Variants in INSC observed in about 807,000 individuals in gnomAD.
The protein encoded by INSC is INSC spindle orientation adaptor protein.
In INSC, 67 loss-of-function variants were observed where a neutral mutation model predicts 58.6. The ratio of observed to expected loss-of-function variants is 1.14; its 90% CI spans 0.94 to 1.40. The LOEUF (loss-of-function observed/expected upper bound fraction) is 1.40, where lower values mean the gene tolerates loss of function less well. INSC is among the 40% of genes most tolerant of loss of function. The pLI is 0.00. For missense variants in INSC, 714 were observed against 692.0 expected, an observed-to-expected ratio of 1.03 and a Z score of -0.36; for synonymous variants, 262 against 276.1, an observed-to-expected ratio of 0.95 and a Z score of 0.51.
At chr11:15,216,570 A>AT (rs1170734007) in intron 7 of INSC, among the ~76,000 whole-genome samples, 1 of 152,004 alleles carries the variant, frequency 6.6e-6, no homozygotes, top group East Asian at 1.9e-4. Context: ...GATAGTACTG[A>AT]TTTTCTCTTT....
At chr11:15,166,477 C>T (rs760265269) in intron 2 of INSC, among the ~76,000 whole-genome samples, 1 of 152,126 alleles carries the variant, frequency 6.6e-6, no homozygotes, top group Non-Finnish European at 1.5e-5. Context: ...TGGGAACTCA[C>T]CTATATTTTG....
intron 8 of INSC, among the ~76,000 whole-genome samples, chr11:15,222,940 T>C (rs1300844832): frequency 1.3e-5 from 2 of 152,072 alleles, no homozygotes; most frequent in Non-Finnish European, 2.9e-5. Flanking sequence ...CCTAGAGGGG[T>C]TAAGTTACTT....
intron 2 of INSC, among the ~76,000 whole-genome samples, chr11:15,174,231 T>G (rs191297224): frequency 6.6e-6 from 1 of 152,338 alleles, no homozygotes; most frequent in East Asian, 1.9e-4. Context: ...GATAGCCACA[T>G]GGCATCCTTC....
intron 2 of INSC, 48 bp downstream of exon 2, chr11:15,149,278 C>A: frequency 7.0e-7 from 1 of 1,427,616 alleles, no homozygotes; most frequent in Non-Finnish European, 9.2e-7. Context: ...CCATCTGAAC[C>A]GTGACTGAGG....
chr11:15,126,171 G>A (rs1894132), intron 1 of INSC, among the ~76,000 whole-genome samples: 5 of 151,890 alleles, frequency 3.3e-5, no homozygotes, highest in Non-Finnish European at 7.4e-5. Context: ...AGGCTGAAAC[G>A]AAAATCAGAT....
intron 9 of INSC, among the ~76,000 whole-genome samples, chr11:15,230,748 T>C (rs1851895668): frequency 6.6e-6 from 1 of 152,202 alleles, no homozygotes; most frequent in Non-Finnish European, 1.5e-5. Context: ...CAGCCCAACA[T>C]TCATGTAATC....
downstream of INSC, among the ~76,000 whole-genome samples, chr11:15,251,022 A>C (rs1241851878): frequency 6.6e-6 from 1 of 152,232 alleles, no homozygotes; most frequent in African/African-American, 2.4e-5. Flanking sequence ...TCTCTGTAAG[A>C]ACAGTGAGCT....
chr11:15,262,118 G>A, the INSC span, among the ~76,000 whole-genome samples: 113,917 of 151,994 alleles, frequency 0.75, 42,887 homozygotes, highest in Middle Eastern at 0.84. Context: ...AAATAGGCAG[G>A]TGGCAGCTTG....
chr11:15,111,971 C>T (rs1473512676), upstream of INSC, among the ~76,000 whole-genome samples: 2 of 152,148 alleles, frequency 1.3e-5, no homozygotes, highest in Non-Finnish European at 2.9e-5. Flanking sequence ...ATGAAGTTCT[C>T]GTATATGCAA....
intron 1 of INSC, among the ~76,000 whole-genome samples, chr11:15,132,476 G>C (rs956372396): frequency 8.5e-5 from 13 of 152,206 alleles, no homozygotes; most frequent in Middle Eastern, 3.4e-3. Flanking sequence ...TGTAGAGATG[G>C]AGCCTGCACT....
intron 1 of INSC, among the ~76,000 whole-genome samples, chr11:15,141,066 C>T (rs1349464067): frequency 1.3e-5 from 2 of 152,164 alleles, no homozygotes; most frequent in African/African-American, 4.8e-5. Flanking sequence ...GTGTTTCTCC[C>T]TGTCTGCCTC....
At chr11:15,226,222 G>A (rs1589993096) in intron 9 of INSC, among the ~76,000 whole-genome samples, 1 of 152,182 alleles carries the variant, frequency 6.6e-6, no homozygotes. Flanking sequence ...GACCTCCTCT[G>A]AAGGTCTGTG....
chr11:15,217,173 T>C (rs558559888), intron 7 of INSC, among the ~76,000 whole-genome samples: 3 of 152,146 alleles, frequency 2.0e-5, no homozygotes, highest in Non-Finnish European at 4.4e-5. Context: ...TTAACAATCA[T>C]GGTGGAAGGG....
At chr11:15,131,082 A>G (rs1848115252) in intron 1 of INSC, among the ~76,000 whole-genome samples, 1 of 151,762 alleles carries the variant, frequency 6.6e-6, no homozygotes, top group African/African-American at 2.4e-5. Flanking sequence ...CTCTTTTTCT[A>G]AGTTTCTTAA....
intron 7 of INSC, among the ~76,000 whole-genome samples, chr11:15,210,092 G>C (rs899925748): frequency 2.6e-5 from 4 of 152,212 alleles, no homozygotes; most frequent in African/African-American, 9.6e-5. Context: ...AAGTCAGCCT[G>C]AGATAAGTCA....
chr11:15,177,334 T>C (rs1849607813), intron 4 of INSC, among the ~76,000 whole-genome samples, 171 bp downstream of exon 4: 1 of 152,176 alleles, frequency 6.6e-6, no homozygotes, highest in Admixed American at 6.5e-5. Flanking sequence ...TGAAATTTTC[T>C]GCCCCATGTT....
the INSC span, among the ~76,000 whole-genome samples, chr11:15,267,317 T>C: frequency 6.6e-6 from 1 of 152,022 alleles, no homozygotes; most frequent in Non-Finnish European, 1.5e-5. Context: ...TATAATATGC[T>C]CTATGTATTT....
At position 15,200,153 on chromosome 11, in the gene INSC, T is replaced by TCACACA. The variant is rs57120673; in HGVS notation, c.694-638_694-633dup. ...GATGATTGTTTTTAAAAGGGTTATA[T>TCACACA]CACACACACACACACACACACACAC... On this transcript the variant is annotated intron_variant, in intron 6 of 12. Coordinates refer to ENST00000379556, the MANE Select transcript of INSC (RefSeq NM_001042536.3). Among the ~76,000 whole-genome samples, 1,039 of 146,922 alleles carry TCACACA rather than the reference T, an allele frequency of 7.1e-3. 8 individuals carry two copies. Among genetic ancestry groups the TCACACA allele is most frequent in the African/African-American group, 0.02 (797 of 39,658 alleles).
chr11:15,248,549 G>T (rs868318213), downstream of INSC, among the ~76,000 whole-genome samples: 2 of 152,168 alleles, frequency 1.3e-5, no homozygotes, highest in Non-Finnish European at 2.9e-5. Flanking sequence ...AACTGAGGCC[G>T]GTGTTGAGGG....
Sources: allele counts gnomAD v4.1 joint callset (sites outside exome capture counted in the v4.1 genomes callset), GRCh38; gene constraint gnomAD v4.1.1; transcripts MANE v1.5; gene names NCBI Gene and HGNC (gene_info 2026-07-23, HGNC 2026-07-21).